Variants in CLPX observed in about 807,000 individuals in gnomAD.
CLPX encodes caseinolytic mitochondrial matrix peptidase chaperone subunit X.
CLPX carries 34 observed loss-of-function variants against 76.4 expected under a neutral mutation model. That is an observed-to-expected ratio of 0.45 (90% confidence interval 0.34 to 0.59). The LOEUF is 0.59. Ranked by LOEUF, CLPX falls within the 20% of genes least tolerant of loss-of-function variation. CLPX has a pLI of 0.01. For synonymous variants in CLPX, 248 were observed against 270.9 expected (o/e 0.92, Z 0.83); for missense variants, 613 against 757.0 (o/e 0.81, Z 2.23).
At chr15:65,153,441 G>A (rs954631782) in intron 12 of CLPX, 106 bp downstream of exon 12, 1 of 734,362 alleles carries the variant, frequency 1.4e-6, no homozygotes, top group African/African-American at 1.9e-5. Flanking sequence ...TTGAGACTCT[G>A]TCTCAAAATA....
At chr15:65,162,863 A>G (rs935846334) in intron 5 of CLPX, among the ~76,000 whole-genome samples, 3 of 152,222 alleles carry the variant, frequency 2.0e-5, no homozygotes, top group Admixed American at 6.5e-5. Context: ...TATATAATTG[A>G]TATCTATTGT....
At position 65,162,480 on chromosome 15, in the gene CLPX, C is replaced by T. The variant is rs1010309562; in HGVS notation, c.715+124G>A. The stretch of plus-strand genomic sequence containing the variant: ...GTAGGATAAACACATTTAGATAATA[C>T]GTATCTTTCTTGGTAATACACAAGC... On this transcript the variant is annotated intron_variant, in intron 6 of 13. Transcript: ENST00000300107. 2.2e-5 allele frequency: 13 copies of T among 602,656 alleles called. No individual in the cohort carries two copies. In the South Asian group the frequency reaches 2.6e-4, roughly 12 times the overall value. 37.3% of individuals were successfully genotyped at this position (602,656 alleles called of 1,614,324 possible).
chr15:65,185,161 A>T lies in CLPX; in HGVS notation c.-8T>A. ...AGCACCGCAGCTGGGCATCTCCGCG[A>T]GGCCTAGGCCGGGGCTTCGCCCCCT... On this transcript the variant is annotated 5_prime_UTR_variant, in exon 1 of 14. Coordinates refer to ENST00000300107, the MANE Select transcript of CLPX (RefSeq NM_006660.5). 4 of 1,559,324 alleles carry T rather than the reference A, an allele frequency of 2.6e-6. No individual in the cohort carries two copies. The highest frequency in any genetic ancestry group is 2.6e-6 in the Non-Finnish European group (3 of 1,151,228).
intron 3 of CLPX, among the ~76,000 whole-genome samples, chr15:65,168,279 G>A (rs1356741458): frequency 6.8e-6 from 1 of 147,804 alleles, no homozygotes; most frequent in Non-Finnish European, 1.5e-5. Flanking sequence ...AGCTGCTCGG[G>A]AGGCTGAGGC....
At chr15:65,154,694 A>G (rs2087764767) in intron 11 of CLPX, 88 bp downstream of exon 11, 1 of 987,362 alleles carries the variant, frequency 1.0e-6, no homozygotes, top group Admixed American at 2.6e-5. Context: ...AGATGAGCAG[A>G]ATTTGTTTTT....
chr15:65,176,540 A>G (rs2088093280), intron 3 of CLPX, among the ~76,000 whole-genome samples: 1 of 151,916 alleles, frequency 6.6e-6, no homozygotes, highest in Admixed American at 6.6e-5. Context: ...CATTTATTAA[A>G]TATTAGTTTC....
Position 65,149,293 on chromosome 15 carries a change from G to T in CLPX, c.*1530C>A, listed in dbSNP as rs2087689336. ...AGGAGAGACCAGCCTGGGCAACATG[G>T]CGAAACCCCGTCTCTACTAAAAATA... is the stretch of plus-strand genomic sequence containing the variant. On this transcript the variant is annotated 3_prime_UTR_variant, in exon 14 of 14. Transcript: ENST00000300107. The T allele has an allele frequency of 5.7e-6, 1 of 174,240 alleles. No individual in the cohort carries two copies. The allele number at this position is 174,240 out of a possible 1,614,324, so 10.8% of individuals were successfully genotyped here.
chr15:65,148,880 GAATTA>G lies in CLPX; in HGVS notation c.*1938_*1942del, dbSNP rs940167367. The G allele has an allele frequency of 2.6e-4, 40 of 152,212 alleles. No homozygotes were observed. The highest frequency in any genetic ancestry group is 8.9e-4 in the African/African-American group (37 of 41,542). The allele number at this position is 152,212 out of a possible 1,614,324, so 9.4% of individuals were successfully genotyped here. On this transcript the variant is annotated 3_prime_UTR_variant, in exon 14 of 14. Coordinates refer to ENST00000300107, the MANE Select transcript of CLPX (RefSeq NM_006660.5). ...GTACCCAAATATTTTAATATTTATG[GAATTA>G]AATGATACAATTTTCATTAAGACCC...
intron 11 of CLPX, 66 bp from the exon 12 acceptor site, chr15:65,153,705 T>C (rs1427634405): frequency 1.1e-6 from 1 of 917,732 alleles, no homozygotes; most frequent in African/African-American, 1.8e-5. Context: ...AAATGTACCA[T>C]TAAGTGAGGG....
chr15:65,178,410 T>C (rs2088117410), intron 3 of CLPX, among the ~76,000 whole-genome samples: 1 of 152,148 alleles, frequency 6.6e-6, no homozygotes, highest in Non-Finnish European at 1.5e-5. Flanking sequence ...CAGTGCAAAG[T>C]ATTACCAGTC....
chr15:65,155,605 T>C (rs1246392073), intron 10 of CLPX, 87 bp downstream of exon 10: 6 of 1,114,370 alleles, frequency 5.4e-6, no homozygotes, highest in African/African-American at 1.6e-5. Flanking sequence ...AAACTATGAC[T>C]GGTAGCCCGC....
Position 65,150,715 on chromosome 15 carries a change from T to G in CLPX, c.*108A>C. ...TCTCCTAAAGGCTTCTCTGACCATG[T>G]ATGATATCCAAGATAGATCCAATGC... On this transcript the variant is annotated 3_prime_UTR_variant, in exon 14 of 14. Coordinates refer to ENST00000300107, the MANE Select transcript of CLPX (RefSeq NM_006660.5). 1 of 614,068 alleles carries G rather than the reference T, an allele frequency of 1.6e-6. No homozygotes were observed. The highest frequency in any genetic ancestry group is 2.8e-6 in the Non-Finnish European group (1 of 362,074). The allele number at this position is 614,068 out of a possible 1,614,324, so 38.0% of individuals were successfully genotyped here.
At chr15:65,182,118 C>CAAAAAAA (rs540972406) in intron 1 of CLPX, among the ~76,000 whole-genome samples, 57 of 69,236 alleles carry the variant, frequency 8.2e-4, no homozygotes, top group African/African-American at 2.5e-3. Context: ...GTCTCCGTCT[C>CAAAAAAA]AAAAAAAAAA....
chr15:65,174,788 T>A (rs1199922724), intron 3 of CLPX, among the ~76,000 whole-genome samples: 1 of 152,184 alleles, frequency 6.6e-6, no homozygotes, highest in East Asian at 1.9e-4. Context: ...AGTTAGCTCC[T>A]CATATATGCT....
chr15:65,185,166 T>G lies in CLPX; in HGVS notation c.-13A>C, dbSNP rs534967085. 3 of 1,556,772 alleles carry G rather than the reference T, an allele frequency of 1.9e-6. No individual in the cohort carries two copies. The highest frequency in any genetic ancestry group is 2.4e-5 in the South Asian group (2 of 84,402). On this transcript the variant is annotated 5_prime_UTR_variant, in exon 1 of 14. Transcript: ENST00000300107. ...CGCAGCTGGGCATCTCCGCGAGGCC[T>G]AGGCCGGGGCTTCGCCCCCTGAGGA...
intron 3 of CLPX, among the ~76,000 whole-genome samples, chr15:65,168,597 A>G (rs1205815690): frequency 1.2e-4 from 8 of 68,714 alleles, no homozygotes; most frequent in Non-Finnish European, 1.8e-4. Flanking sequence ...GGGGCCTGTC[A>G]TGGGGTGGGG....
In CLPX at chr15:65,185,342, T is replaced by A. The variant is rs1250708609; in HGVS notation, c.-189A>T. The A allele has an allele frequency of 5.6e-6, 3 of 539,906 alleles. No individual in the cohort carries two copies. The highest frequency in any genetic ancestry group is 6.6e-6 in the Non-Finnish European group (2 of 305,342). The allele number at this position is 539,906 out of a possible 1,614,324, so 33.4% of individuals were successfully genotyped here. On this transcript the variant is annotated 5_prime_UTR_variant, in exon 1 of 14. Transcript: ENST00000300107. ...CCCCACAGCCGTCTATTCACCAGAG[T>A]AGACACCCAACCCCCCCCTCCCTTC...
rs1454040831 is a variant in CLPX, at chr15:65,153,608, T to G, written c.1643A>C (p.Lys548Thr). 2.5e-6 allele frequency: 4 copies of G among 1,591,974 alleles called. No individual in the cohort carries two copies. In the South Asian group the frequency reaches 4.6e-5, roughly 18 times the overall value. ...CELNVTEDALKAIARLALERK... is the reference protein window; with the variant it reads ...CELNVTEDALTAIARLALERK... ...TTCTAGTGCCAATCTGGCTATAGCTTTCAAAGCATCCTCAGTAACATTCAG... is the reference window on the plus strand; with the variant it reads ...TTCTAGTGCCAATCTGGCTATAGCTGTCAAAGCATCCTCAGTAACATTCAG... The change falls in exon 12 of 14, where the codon AAA becomes ACA. Residue 548 changes from lysine to threonine, a missense_variant. Lys to Thr is a moderately conservative substitution (Grantham distance 78, BLOSUM62 -1). This residue lies in a region of CLPX where 450 missense variants were observed against 638.6 expected (regional missense o/e 0.70). Coordinates refer to ENST00000300107, the MANE Select transcript of CLPX (RefSeq NM_006660.5).
chr15:65,158,988 T>G (rs2087822180), intron 6 of CLPX, among the ~76,000 whole-genome samples: 1 of 152,174 alleles, frequency 6.6e-6, no homozygotes, highest in South Asian at 2.1e-4. Context: ...CTGTCCTTAT[T>G]TATATAAATA....
Sources: allele counts gnomAD v4.1 joint callset (sites outside exome capture counted in the v4.1 genomes callset), GRCh38; gene constraint gnomAD v4.1.1; regional missense constraint gnomAD v4.1.1; transcripts MANE v1.5; gene names NCBI Gene and HGNC (gene_info 2026-07-23, HGNC 2026-07-21).